Variants in CHST15 observed in about 807,000 individuals in gnomAD.
CHST15 encodes B cell RAG associated protein (GALNAC4S-6ST).
Under a neutral mutation model 53.6 loss-of-function variants are expected in CHST15, and 30 were observed. The ratio of observed to expected loss-of-function variants is 0.56; its 90% CI spans 0.42 to 0.76. The LOEUF (loss-of-function observed/expected upper bound fraction) is 0.76, where lower values mean the gene tolerates loss of function less well. CHST15 is among the 30% of genes least tolerant of loss of function. The pLI is 0.00. For synonymous variants in CHST15, 296 were observed against 289.8 expected, an observed-to-expected ratio of 1.02 and a Z score of -0.22; for missense variants, 627 against 740.5, an observed-to-expected ratio of 0.85 and a Z score of 1.78.
chr10:124,085,757 G>C (rs982033517), intron 1 of CHST15, among the ~76,000 whole-genome samples: 1 of 152,082 alleles, frequency 6.6e-6, no homozygotes, highest in Non-Finnish European at 1.5e-5. Flanking sequence ...AACTGCAGAA[G>C]CTCAGAGGAG....
chr10:124,071,528 TGA>T (rs1379796876), intron 1 of CHST15, among the ~76,000 whole-genome samples: 1 of 152,208 alleles, frequency 6.6e-6, no homozygotes, highest in Non-Finnish European at 1.5e-5. Flanking sequence ...ATGTTCCAGG[TGA>T]GGTTAATTTT....
intron 6 of CHST15, among the ~76,000 whole-genome samples, chr10:124,018,478 G>A (rs1411221843): frequency 6.6e-6 from 1 of 152,244 alleles, no homozygotes; most frequent in Admixed American, 6.5e-5. Context: ...ATTATCTCAT[G>A]GTCATGCACT....
chr10:124,052,668 G>C (rs947767239), intron 1 of CHST15, among the ~76,000 whole-genome samples: 1 of 152,182 alleles, frequency 6.6e-6, no homozygotes, highest in South Asian at 2.1e-4. Context: ...TACGACTTAG[G>C]AATAATCACA....
At chr10:124,044,554 C>G in intron 3 of CHST15, 26 bp downstream of exon 3, 12 of 1,464,648 alleles carry the variant, frequency 8.2e-6, no homozygotes, top group Non-Finnish European at 1.1e-5. Context: ...CGAGACCAGA[C>G]AGGAGCCCTG....
intron 3 of CHST15, among the ~76,000 whole-genome samples, chr10:124,043,548 G>T (rs1366482008): frequency 6.6e-6 from 1 of 152,230 alleles, no homozygotes; most frequent in Non-Finnish European, 1.5e-5. Flanking sequence ...CTCGTGGCCT[G>T]CCAGGACTCT....
In CHST15 at chr10:124,038,567, C is replaced by T. The variant is rs767543459; in HGVS notation, c.1138G>A (p.Ala380Thr). ...PPFLTQDFIH[A>T]FQPNARLIVM... ...ATCAGTCTGGCATTTGGCTGAAAGG[C>T]GTGGATGAAGTCCTGCGTCAGAAAC... The change falls in exon 5 of 8, where the codon GCC becomes ACC. Residue 380 changes from alanine to threonine, a missense_variant. Physicochemically the swap from Ala to Thr is moderately conservative, Grantham distance 58 (BLOSUM62 0). Transcript: ENST00000435907. 25 of 1,614,080 alleles carry T rather than the reference C, an allele frequency of 1.5e-5. No individual in the cohort carries two copies. Among genetic ancestry groups the T allele is most frequent in the African/African-American group, 6.7e-5 (5 of 74,928 alleles).
chr10:124,033,594 G>A (rs559898281), intron 5 of CHST15, among the ~76,000 whole-genome samples: 13 of 152,326 alleles, frequency 8.5e-5, no homozygotes, highest in African/African-American at 2.6e-4. Context: ...AGAAAAAATC[G>A]TGACTTCTAA....
At chr10:124,092,204 ACAACC>A (rs1481062323) in intron 1 of CHST15, 2 of 152,988 alleles carry the variant, frequency 1.3e-5, no homozygotes, top group Non-Finnish European at 2.9e-5. Context: ...CCCGGCACAC[ACAACC>A]CAACAGACTC....
At chr10:124,058,538 C>A (rs1948458976) in intron 1 of CHST15, among the ~76,000 whole-genome samples, 1 of 152,206 alleles carries the variant, frequency 6.6e-6, no homozygotes, top group African/African-American at 2.4e-5. Flanking sequence ...CTTTCTCCTG[C>A]AGCAGGCGAA....
At chr10:124,064,874 C>T (rs1948707150) in intron 1 of CHST15, among the ~76,000 whole-genome samples, 1 of 152,158 alleles carries the variant, frequency 6.6e-6, no homozygotes, top group African/African-American at 2.4e-5. Flanking sequence ...CCAACCCTTC[C>T]CACTTCCGTT....
rs565391386 is a variant in CHST15, at chr10:124,072,064, A to G, written c.-513+21405T>C. Among the ~76,000 whole-genome samples the G allele has an allele frequency of 1.5e-3, 223 of 152,272 alleles. 2 individuals carry two copies. The highest frequency in any genetic ancestry group is 5.0e-3 in the African/African-American group (207 of 41,564). ...GGTCTGGGAAGTCACTGCTTCCCCA[A>G]ATTGAGTAAAACTCACCTAAGGCAT... On this transcript the variant is annotated intron_variant, in intron 1 of 7. Coordinates refer to ENST00000435907, the MANE Select transcript of CHST15 (RefSeq NM_001270764.2).
chr10:124,039,306 G>A (rs370534524), intron 4 of CHST15, among the ~76,000 whole-genome samples: 7 of 152,182 alleles, frequency 4.6e-5, no homozygotes, highest in South Asian at 4.1e-4. Flanking sequence ...TTTCAGAGCC[G>A]GGAGGAGCCG....
intron 1 of CHST15, among the ~76,000 whole-genome samples, chr10:124,079,586 G>A (rs1325749695): frequency 6.6e-6 from 1 of 152,202 alleles, no homozygotes; most frequent in Non-Finnish European, 1.5e-5. Flanking sequence ...TGGAGAGGCA[G>A]CCTGGGGCCC....
chr10:124,015,798 C>T (rs189398798), intron 6 of CHST15, among the ~76,000 whole-genome samples: 3 of 152,312 alleles, frequency 2.0e-5, no homozygotes, highest in Admixed American at 2.0e-4. Context: ...AACAGACTTC[C>T]GCGATCACCT....
chr10:124,066,270 G>T (rs1948746931), intron 1 of CHST15, among the ~76,000 whole-genome samples: 1 of 152,110 alleles, frequency 6.6e-6, no homozygotes, highest in Non-Finnish European at 1.5e-5. Context: ...GCTAGGGGAA[G>T]GGGGAGGAGG....
At chr10:124,049,637 G>A (rs1948123757) in intron 1 of CHST15, among the ~76,000 whole-genome samples, 1 of 152,172 alleles carries the variant, frequency 6.6e-6, no homozygotes, top group South Asian at 2.1e-4. Context: ...TGGAGTGGAG[G>A]AAGAGGGCAT....
intron 5 of CHST15, among the ~76,000 whole-genome samples, chr10:124,022,294 A>G (rs1946817250): frequency 6.6e-6 from 1 of 152,224 alleles, no homozygotes. Flanking sequence ...ACGTAATTGA[A>G]CTGAACTCGG....
intron 1 of CHST15, among the ~76,000 whole-genome samples, chr10:124,078,686 G>C (rs1302163827): frequency 2.0e-5 from 3 of 152,190 alleles, no homozygotes; most frequent in African/African-American, 7.2e-5. Context: ...TCAATTGGAA[G>C]GGATTGAAAC....
At chr10:124,057,285 G>A (rs558181244) in intron 1 of CHST15, among the ~76,000 whole-genome samples, 1 of 152,334 alleles carries the variant, frequency 6.6e-6, no homozygotes, top group East Asian at 1.9e-4. Flanking sequence ...TTTCAGGGCT[G>A]CTCAGAGGCC....
Sources: gnomAD v4.1 joint callset for allele counts (sites outside exome capture counted in the v4.1 genomes callset) on GRCh38, gnomAD v4.1.1 for gene constraint, MANE v1.5 for transcripts, NCBI Gene and HGNC (gene_info 2026-07-23, HGNC 2026-07-21) for gene names.